The following SMARCAL1 variants were observed in gnomAD, a reference collection of about 807,000 sequenced individuals.
The protein encoded by SMARCAL1 is SNF2 related chromatin remodeling annealing helicase 1.
A neutral mutation model predicts 94.5 loss-of-function variants in SMARCAL1; 58 were observed. The ratio of observed to expected loss-of-function variants is 0.61; its 90% confidence interval spans 0.50 to 0.76. The LOEUF (loss-of-function observed/expected upper bound fraction) is 0.76. Ranked by LOEUF, SMARCAL1 falls within the 30% of genes least tolerant of loss-of-function variation. SMARCAL1 has a pLI of 0.00. For missense variants in SMARCAL1, 1,051 were observed against 1,177.9 expected, an observed-to-expected ratio of 0.89 and a Z score of 1.58; for synonymous variants, 422 against 455.1, an observed-to-expected ratio of 0.93 and a Z score of 0.93.
chr2:216,458,887 C>A (rs1324531704), intron 12 of SMARCAL1, among the ~76,000 whole-genome samples: 3 of 152,148 alleles, frequency 2.0e-5, no homozygotes, highest in Non-Finnish European at 4.4e-5. Context: ...AAGAGGAAGT[C>A]AAATTGTCCC....
At chr2:216,463,002 G>A (rs1173452659) in intron 12 of SMARCAL1, among the ~76,000 whole-genome samples, 1 of 152,022 alleles carries the variant, frequency 6.6e-6, no homozygotes, top group Middle Eastern at 3.2e-3. Flanking sequence ...CAACCCCAAA[G>A]CCAAGAAGCT....
At chr2:216,446,890 T>G in intron 10 of SMARCAL1, 128 bp from the exon 11 acceptor site, 1 of 1,022,602 alleles carries the variant, frequency 9.8e-7, no homozygotes, top group Non-Finnish European at 1.5e-6. Context: ...GGCAATGCCA[T>G]TAGGTTCTCG....
chr2:216,440,698 C>G (rs545719816), intron 10 of SMARCAL1, among the ~76,000 whole-genome samples: 7 of 152,258 alleles, frequency 4.6e-5, no homozygotes, highest in African/African-American at 1.7e-4. Flanking sequence ...TTAACCGAAC[C>G]TTTCATCTCT....
chr2:216,463,150 T>A (rs927721226), intron 12 of SMARCAL1, among the ~76,000 whole-genome samples: 2 of 152,170 alleles, frequency 1.3e-5, no homozygotes, highest in Non-Finnish European at 2.9e-5. Context: ...TTGAATCACG[T>A]CTTTGTTCCC....
In SMARCAL1 at chr2:216,475,482, C is replaced by A. The variant is rs745450118; in HGVS notation, c.2427+31C>A. 58 of 1,608,996 alleles carry A rather than the reference C, an allele frequency of 3.6e-5. No homozygotes were observed. Among genetic ancestry groups the A allele is most frequent in the Non-Finnish European group, 4.8e-5 (56 of 1,175,318 alleles). Reference sequence around the variant, plus strand: ...AGACGCAGAAGACTCAGATACTCCCCAGGCATGCTCATGGCTGTGGGCAGG... The same window carrying A: ...AGACGCAGAAGACTCAGATACTCCCAAGGCATGCTCATGGCTGTGGGCAGG... On this transcript the variant is annotated intron_variant, in intron 15 of 17. Transcript: ENST00000357276. This position sits in a 1 kb window ranked among gnomAD's most constrained non-coding sequence, Gnocchi z 4.4.
At position 216,416,287 on chromosome 2, in the gene SMARCAL1, T is replaced by C. The variant is rs772642936; in HGVS notation, c.842T>C (p.Met281Thr). The C allele has an allele frequency of 1.2e-6, 2 of 1,613,700 alleles. No individual in the cohort carries two copies. Among genetic ancestry groups the C allele is most frequent in the Non-Finnish European group, 1.7e-6 (2 of 1,179,666 alleles). ...GACACCAAGACGTGGAACTTCAGCA[T>C]GAATGACTATAGTGCCCTGAGTAAG... ...DPDTKTWNFS[M>T]NDYSALMKAA... Residue 281 changes from methionine to threonine, a missense_variant, in exon 4 of 18, where the codon ATG becomes ACG. Met to Thr is a moderately conservative substitution (Grantham distance 81). Around this residue, in one of 3 missense-constraint regions of SMARCAL1, gnomAD observed 398 missense variants for 395.2 expected, o/e 1.01. Transcript: ENST00000357276.
chr2:216,472,011 G>T (rs1694976908), intron 14 of SMARCAL1, among the ~76,000 whole-genome samples: 1 of 152,160 alleles, frequency 6.6e-6, no homozygotes, highest in Non-Finnish European at 1.5e-5. Context: ...GCTATCGGAA[G>T]ATGTCCATAC....
At chr2:216,424,378 T>C (rs1455955620) in intron 6 of SMARCAL1, among the ~76,000 whole-genome samples, 2 of 152,254 alleles carry the variant, frequency 1.3e-5, no homozygotes, top group East Asian at 3.8e-4. Flanking sequence ...CTTATCTATC[T>C]GGCTGTAACA....
intron 4 of SMARCAL1, among the ~76,000 whole-genome samples, chr2:216,418,074 T>C (rs566823468): frequency 6.6e-6 from 1 of 152,100 alleles, no homozygotes; most frequent in East Asian, 1.9e-4. Context: ...GCGTGTACCA[T>C]GCCTGGCTAA....
intron 13 of SMARCAL1, among the ~76,000 whole-genome samples, chr2:216,466,795 C>G (rs1694838915): frequency 6.6e-6 from 1 of 152,126 alleles, no homozygotes; most frequent in Admixed American, 6.6e-5. Context: ...AATTTTATGT[C>G]TCTCAAAATA....
At chr2:216,448,945 A>G (rs1265435268) in intron 11 of SMARCAL1, among the ~76,000 whole-genome samples, 4 of 152,252 alleles carry the variant, frequency 2.6e-5, no homozygotes, top group Non-Finnish European at 5.9e-5. Context: ...TATCTGTCTT[A>G]GTCTGTTTTC....
chr2:216,415,538 G>GTTTTTTTTTTTTTT, intron 3 of SMARCAL1, 23 bp downstream of exon 3: 5 of 1,399,876 alleles, frequency 3.6e-6, no homozygotes, highest in East Asian at 2.3e-5. Context: ...TTTTTCAGCT[G>GTTTTTTTTTTTTTT]TTTTTTTTTT....
chr2:216,413,329 A>C (rs906170475), intron 1 of SMARCAL1, among the ~76,000 whole-genome samples: 1 of 152,202 alleles, frequency 6.6e-6, no homozygotes, highest in Non-Finnish European at 1.5e-5. Context: ...AAGCCAGACA[A>C]ATTGGTGTGT....
chr2:216,437,185 A>G (rs1257738678), intron 9 of SMARCAL1, among the ~76,000 whole-genome samples: 1 of 152,268 alleles, frequency 6.6e-6, no homozygotes, highest in African/African-American at 2.4e-5. Context: ...ATTTTTACCC[A>G]TTGGTTGAAA....
intron 10 of SMARCAL1, among the ~76,000 whole-genome samples, chr2:216,446,042 T>G (rs1694307166): frequency 1.3e-5 from 2 of 152,214 alleles, no homozygotes; most frequent in Non-Finnish European, 2.9e-5. Context: ...GTAGGGTCCG[T>G]TCCCAGAGCT....
intron 9 of SMARCAL1, among the ~76,000 whole-genome samples, chr2:216,436,768 A>G (rs925278106): frequency 1.3e-5 from 2 of 152,210 alleles, no homozygotes; most frequent in Admixed American, 6.5e-5. Flanking sequence ...TGTGTTAGGT[A>G]CTGACATATA....
chr2:216,473,589 C>T (rs1389348206), intron 14 of SMARCAL1, among the ~76,000 whole-genome samples: 1 of 151,962 alleles, frequency 6.6e-6, no homozygotes, highest in Admixed American at 6.6e-5. Flanking sequence ...TATTTTAGAA[C>T]ACTTAACAAT....
intron 13 of SMARCAL1, among the ~76,000 whole-genome samples, chr2:216,467,486 A>AC (rs1431539668): frequency 6.6e-6 from 1 of 151,804 alleles, no homozygotes; most frequent in African/African-American, 2.4e-5. Flanking sequence ...AAAAAAAAAA[A>AC]AAAAAAGGGT....
At chr2:216,481,355 C>T (rs563181176) in intron 17 of SMARCAL1, among the ~76,000 whole-genome samples, 18 of 151,908 alleles carry the variant, frequency 1.2e-4, no homozygotes, top group African/African-American at 3.9e-4. Context: ...TGCCAACACC[C>T]GGCCAATTTT....
Sources: allele counts gnomAD v4.1 joint callset (sites outside exome capture counted in the v4.1 genomes callset), GRCh38; gene constraint gnomAD v4.1.1; regional missense constraint gnomAD v4.1.1; non-coding constraint Gnocchi (gnomAD v3.1); transcripts MANE v1.5; gene names NCBI Gene and HGNC (gene_info 2026-07-23, HGNC 2026-07-21).